CD163L1: variants seen among roughly 807,000 people sequenced by gnomAD.
The protein encoded by CD163L1 is scavenger receptor cysteine-rich type 1 protein M160.
In CD163L1, 124 loss-of-function variants were observed where a neutral mutation model predicts 165.4. The observed-to-expected ratio is 0.75, with a 90% CI of 0.65 to 0.87. The LOEUF is 0.87. Among genes scored for constraint, CD163L1 ranks in the 40% least tolerant of loss-of-function variants. The probability of loss-of-function intolerance (pLI) is 0.00; values close to 1 mark genes in which losing one functional copy is unlikely to be tolerated. For missense variants in CD163L1, 1,525 were observed against 1,799.9 expected (o/e 0.85, Z 2.76); for synonymous variants, 585 against 662.2 (o/e 0.88, Z 1.79).
At chr12:7,335,754 A>G in the CD163L1 span, among the ~76,000 whole-genome samples, 2 of 152,284 alleles carry the variant, frequency 1.3e-5, no homozygotes, top group Admixed American at 1.3e-4. Context: ...TTTGCAACCT[A>G]CTCATCTGAC....
In CD163L1 at chr12:7,375,444, A is replaced by G; in HGVS notation, c.2838T>C (p.Ala946=). The G allele has an allele frequency of 6.2e-7, 1 of 1,614,162 alleles. No individual in the cohort carries two copies. Among genetic ancestry groups the G allele is most frequent in the Non-Finnish European group, 8.5e-7 (1 of 1,180,032 alleles). Residue 946 remains alanine, a synonymous_variant, in exon 11 of 20, where the codon GCT becomes GCC. Coordinates refer to ENST00000313599, the MANE Select transcript of CD163L1 (RefSeq NM_174941.6). The stretch of plus-strand genomic sequence containing the variant: ...TATATTTTCCTCCTGTGGTTGAGAG[A>G]GCAGTCCCACAGCTGAGCTGTCTGC... ...VLCRQLSCGT[A]LSTTGGKYIG... is the part of the protein sequence containing the mutation.
intron 17 of CD163L1, 183 bp from the exon 18 acceptor site, chr12:7,367,514 T>C: frequency 2.2e-6 from 1 of 457,448 alleles, no homozygotes; most frequent in Non-Finnish European, 4.0e-6. Context: ...TTTTTCTCCC[T>C]TGATATTCTT....
chr12:7,369,298 C>A lies in CD163L1; in HGVS notation c.4039+59G>T. 6.5e-7 allele frequency: 1 copy of A among 1,530,262 alleles called. No homozygotes were observed. Among genetic ancestry groups the A allele is most frequent in the Non-Finnish European group, 8.9e-7 (1 of 1,118,492 alleles). The allele number at this position is 1,530,262 out of a possible 1,614,324, so 94.8% of individuals were successfully genotyped here. ...CTCAACTCTCTGAGTGAGCCTGTTT[C>A]CCAGTGTTCTCTACCATTAGTGGGA... On this transcript the variant is annotated intron_variant, in intron 15 of 19. Coordinates refer to ENST00000313599, the MANE Select transcript of CD163L1 (RefSeq NM_174941.6). This position sits in a 1 kb window ranked among gnomAD's most constrained non-coding sequence, Gnocchi z 4.9.
intron 8 of CD163L1, among the ~76,000 whole-genome samples, chr12:7,379,788 T>A (rs1270955157): frequency 6.6e-6 from 1 of 150,802 alleles, no homozygotes; most frequent in Non-Finnish European, 1.5e-5. Flanking sequence ...TGATGCCAAA[T>A]GAAGTAATTC....
intron 8 of CD163L1, among the ~76,000 whole-genome samples, chr12:7,389,853 G>T (rs982408413): frequency 6.7e-6 from 1 of 150,290 alleles, no homozygotes; most frequent in East Asian, 1.9e-4. Context: ...AGGAATAAAT[G>T]TACCCCCTTG....
chr12:7,396,367 G>A lies in CD163L1; in HGVS notation c.1778C>T (p.Ser593Leu), dbSNP rs775508029. The A allele has an allele frequency of 5.6e-6, 9 of 1,611,568 alleles. No individual in the cohort carries two copies. Among genetic ancestry groups the A allele is most frequent in the Admixed American group, 3.3e-5 (2 of 59,906 alleles). Residue 593 changes from serine (S) to leucine (L), a missense_variant, in exon 8 of 20, where the codon TCG becomes TTG. Physicochemically the swap from Ser to Leu is moderately radical, Grantham distance 145 (BLOSUM62 -2). Coordinates refer to ENST00000313599, the MANE Select transcript of CD163L1 (RefSeq NM_174941.6). ...TTGAAAGTACACCTCCAGTCTTCCC[G>A]AGCAGCGGTTGCTGCCGCCCACCAG... Reference protein sequence around the residue: ...LRLVGGSNRCSGRLEVYFQGR... With the variant: ...LRLVGGSNRCLGRLEVYFQGR...
At chr12:7,362,142 CTATATATTATTTT>C (rs1946905683) in intron 18 of CD163L1, among the ~76,000 whole-genome samples, 1 of 145,402 alleles carries the variant, frequency 6.9e-6, no homozygotes, top group Non-Finnish European at 1.5e-5. Flanking sequence ...ATTATATATA[CTATATATTATTTT>C]TATATATTAT....
intron 2 of CD163L1, chr12:7,439,901 C>T (rs1442501577): frequency 2.2e-6 from 3 of 1,392,530 alleles, no homozygotes; most frequent in African/African-American, 2.3e-5. Flanking sequence ...ACTCCAACTC[C>T]TTCTTCGACT....
rs1309630183 is a variant in CD163L1, at chr12:7,409,570, A to G, written c.767-2718T>C. The stretch of plus-strand genomic sequence containing the variant: ...CTAATGCCAGCCCTGATCTGAGAGG[A>G]GGTGGAGCTCTATCAGTAATGCTCT... On this transcript the variant is annotated intron_variant, in intron 4 of 19. Transcript: ENST00000313599. Among the ~76,000 whole-genome samples, 3 of 152,262 alleles carry G rather than the reference A, an allele frequency of 2.0e-5. No individual in the cohort carries two copies. In the East Asian group the frequency reaches 5.8e-4, roughly 29 times the overall value.
At chr12:7,354,477 C>T (rs77043948), downstream of CD163L1, among the ~76,000 whole-genome samples, 368 of 152,224 alleles carry the variant, frequency 2.4e-3, 15 homozygotes, top group East Asian at 0.047. Context: ...TATGGAATTA[C>T]ACTAATTTGA....
chr12:7,368,244 A>T lies in CD163L1; in HGVS notation c.4073-47T>A. The T allele has an allele frequency of 9.2e-7, 1 of 1,088,810 alleles. No individual in the cohort carries two copies. Among genetic ancestry groups the T allele is most frequent in the Non-Finnish European group, 1.4e-6 (1 of 717,002 alleles). The allele number at this position is 1,088,810 out of a possible 1,614,324, so 67.4% of individuals were successfully genotyped here. ...ATAAGTATTAAACTAGTAGATATCA[A>T]TTGTGGGTTTATACATTGTAAAAAA... On this transcript the variant is annotated intron_variant, in intron 16 of 19. Transcript: ENST00000313599. The surrounding 1 kb of genome is among the most constrained non-coding windows in gnomAD (Gnocchi z 4.3).
chr12:7,405,964 G>A (rs914314009), intron 5 of CD163L1, among the ~76,000 whole-genome samples: 2 of 152,122 alleles, frequency 1.3e-5, no homozygotes, highest in Non-Finnish European at 2.9e-5. Context: ...AATAAACAGC[G>A]AGGGGTAACT....
rs1385230744 is a variant in CD163L1 at position 7,416,552 on chromosome 12, G to T, written c.767-9700C>A. The stretch of plus-strand genomic sequence containing the variant: ...TCTTCTAGGGTTTTTATGGTTTTAG[G>T]TCTTATGTTTAAGTCTTTAATCCAT... On this transcript the variant is annotated intron_variant, in intron 4 of 19. Transcript: ENST00000313599. Among the ~76,000 whole-genome samples the T allele has an allele frequency of 1.3e-5, 2 of 152,230 alleles. 1 individual carries two copies. The highest frequency in any genetic ancestry group is 4.1e-4 in the South Asian group (2 of 4,828).
the CD163L1 span, chr12:7,324,147 C>T: frequency 1.7e-6 from 2 of 1,157,468 alleles, no homozygotes; most frequent in Non-Finnish European, 2.4e-6. Context: ...CAGAGAGAGA[C>T]TCTGTCTCAA....
At chr12:7,334,508 T>A in the CD163L1 span, among the ~76,000 whole-genome samples, 3 of 152,262 alleles carry the variant, frequency 2.0e-5, no homozygotes, top group South Asian at 6.2e-4. Flanking sequence ...ATAAGAGCTA[T>A]CTATGACAAA....
the CD163L1 span, among the ~76,000 whole-genome samples, chr12:7,341,510 G>C: frequency 3.3e-5 from 5 of 152,180 alleles, no homozygotes. Context: ...ACATAGTCCT[G>C]TCCTAACATG....
At chr12:7,385,995 T>C (rs1055555104) in intron 8 of CD163L1, among the ~76,000 whole-genome samples, 3 of 151,844 alleles carry the variant, frequency 2.0e-5, no homozygotes, top group South Asian at 2.1e-4. Flanking sequence ...AGAAGTAATA[T>C]AGATCAGAGC....
chr12:7,394,875 A>T (rs1947739207), intron 8 of CD163L1, among the ~76,000 whole-genome samples: 1 of 152,232 alleles, frequency 6.6e-6, no homozygotes, highest in Non-Finnish European at 1.5e-5. Flanking sequence ...CGAGAAATGC[A>T]AATCAAAACC....
rs1302050299 is a variant in CD163L1 at position 7,398,467 on chromosome 12, T to C, written c.1526A>G (p.Asn509Ser). ...TVCHDRWSTRNAAVVCKQLGC... is the reference protein window; with the variant it reads ...TVCHDRWSTRSAAVVCKQLGC... ...CAATTGTTTACAAACAACAGCTGCA[T>C]TCCTTGTGCTCCATCTGTCATGACA... Residue 509 changes from asparagine (N) to serine (S), a missense_variant, in exon 7 of 20, where the codon AAT becomes AGT. Asn to Ser is a conservative substitution (Grantham distance 46). Coordinates refer to ENST00000313599, the MANE Select transcript of CD163L1 (RefSeq NM_174941.6). The surrounding 1 kb of genome is among the most constrained non-coding windows in gnomAD (Gnocchi z 4.5). The C allele has an allele frequency of 6.2e-7, 1 of 1,613,980 alleles. No individual in the cohort carries two copies. Among genetic ancestry groups the C allele is most frequent in the Non-Finnish European group, 8.5e-7 (1 of 1,179,868 alleles).
Sources: allele counts gnomAD v4.1 joint callset (sites outside exome capture counted in the v4.1 genomes callset), GRCh38; gene constraint gnomAD v4.1.1; non-coding constraint Gnocchi (gnomAD v3.1); transcripts MANE v1.5; gene names NCBI Gene and HGNC (gene_info 2026-07-23, HGNC 2026-07-21).